The following GSPT1 variants were observed in gnomAD, a reference collection of about 807,000 sequenced individuals.
GSPT1 encodes the protein eukaryotic peptide chain release factor GTP-binding subunit ERF3A.
GSPT1 carries 20 observed loss-of-function variants against 72.5 expected under a neutral mutation model. The observed-to-expected ratio is 0.28, with a 90% confidence interval of 0.19 to 0.40. GSPT1 has a LOEUF of 0.40. Ranked by LOEUF, GSPT1 falls within the 10% of genes least tolerant of loss-of-function variation. GSPT1 has a pLI of 1.00. For missense variants in GSPT1, 580 were observed against 811.9 expected (o/e 0.71, Z 3.47); for synonymous variants, 334 against 293.5 (o/e 1.14, Z -1.41).
In GSPT1 at chr16:11,873,015, G is replaced by A; in HGVS notation, c.*104C>T. The A allele has an allele frequency of 6.0e-6, 4 of 671,252 alleles. No individual in the cohort carries two copies. Among genetic ancestry groups the A allele is most frequent in the Non-Finnish European group, 1.1e-5 (4 of 370,160 alleles). 41.6% of individuals were successfully genotyped at this position (671,252 alleles called of 1,614,324 possible). A position where few individuals can be genotyped will look rare whatever the true frequency, so the allele number is the denominator to read the frequency against. Reference sequence around the variant, plus strand: ...TGTGAATTTCCTCTTTGCAAAATATGGGGAGAGGTTTATCAATGGGCAGAA... The same window carrying A: ...TGTGAATTTCCTCTTTGCAAAATATAGGGAGAGGTTTATCAATGGGCAGAA... On this transcript the variant is annotated 3_prime_UTR_variant, in exon 15 of 15. Transcript: ENST00000434724.
chr16:11,907,074 T>A (rs1209381317), intron 1 of GSPT1, among the ~76,000 whole-genome samples: 2 of 152,222 alleles, frequency 1.3e-5, no homozygotes, highest in Non-Finnish European at 2.9e-5. Flanking sequence ...AGAGCTGTTT[T>A]AAAGTATTTT....
intron 9 of GSPT1, among the ~76,000 whole-genome samples, chr16:11,886,084 A>C (rs2054183683): frequency 6.6e-6 from 1 of 152,236 alleles, no homozygotes; most frequent in African/African-American, 2.4e-5. Flanking sequence ...ACAAAAGTTA[A>C]CTCAAAATCA....
At chr16:11,879,675 G>C (rs1195787292) in intron 11 of GSPT1, among the ~76,000 whole-genome samples, 1 of 148,212 alleles carries the variant, frequency 6.7e-6, no homozygotes, top group African/African-American at 2.5e-5. Context: ...GGAGGTGGAG[G>C]TCGCAGTGAG....
intron 10 of GSPT1, among the ~76,000 whole-genome samples, chr16:11,883,719 C>A (rs913662509): frequency 1.6e-4 from 25 of 151,836 alleles, no homozygotes; most frequent in African/African-American, 5.8e-4. Context: ...TCGAGCCCAT[C>A]CTGGCCAACA....
At chr16:11,878,440 T>C (rs761282854) in intron 11 of GSPT1, among the ~76,000 whole-genome samples, 2 of 151,932 alleles carry the variant, frequency 1.3e-5, no homozygotes, top group African/African-American at 4.8e-5. Context: ...TCTAACAAAA[T>C]AGTCCACGGA....
intron 6 of GSPT1, among the ~76,000 whole-genome samples, chr16:11,888,916 G>A (rs978117545): frequency 1.3e-5 from 2 of 152,194 alleles, no homozygotes; most frequent in Non-Finnish European, 2.9e-5. Context: ...ATCACTGTGT[G>A]TTAAGTGATA....
At chr16:11,902,148 C>T (rs1334722126) in intron 1 of GSPT1, among the ~76,000 whole-genome samples, 3 of 150,498 alleles carry the variant, frequency 2.0e-5, no homozygotes, top group Non-Finnish European at 4.4e-5. Context: ...TTTGGGAGGC[C>T]GAGGCGGGTG....
intron 1 of GSPT1, among the ~76,000 whole-genome samples, chr16:11,905,508 T>C (rs1319360568): frequency 3.3e-5 from 5 of 152,070 alleles, no homozygotes; most frequent in Admixed American, 3.3e-4. Context: ...ATCACTCCCC[T>C]AGGACATGAC....
At chr16:11,879,688 G>A (rs1256848406) in intron 11 of GSPT1, among the ~76,000 whole-genome samples, 21 of 142,246 alleles carry the variant, frequency 1.5e-4, no homozygotes, top group Admixed American at 1.4e-3. Flanking sequence ...GCAGTGAGCC[G>A]AGATCACACC....
At chr16:11,874,454 CTTTTTTTTTT>C (rs200991035) in intron 14 of GSPT1, among the ~76,000 whole-genome samples, 18 of 95,934 alleles carry the variant, frequency 1.9e-4, no homozygotes, top group South Asian at 1.6e-3. Context: ...GCCAAGTTAG[CTTTTTTTTTT>C]TTTTTTTTTT....
chr16:11,899,734 C>T (rs1174528128), intron 1 of GSPT1, among the ~76,000 whole-genome samples: 1 of 152,058 alleles, frequency 6.6e-6, no homozygotes, highest in Non-Finnish European at 1.5e-5. Context: ...CAGAGGAAGC[C>T]AGGTAGTACT....
At chr16:11,889,152 C>CA (rs899569438) in intron 6 of GSPT1, among the ~76,000 whole-genome samples, 3 of 150,894 alleles carry the variant, frequency 2.0e-5, no homozygotes, top group African/African-American at 7.3e-5. Flanking sequence ...ACTAAAAATA[C>CA]AAAAAATTAG....
intron 5 of GSPT1, among the ~76,000 whole-genome samples, chr16:11,892,991 G>A (rs1236760525): frequency 6.6e-6 from 1 of 152,086 alleles, no homozygotes; most frequent in Non-Finnish European, 1.5e-5. Flanking sequence ...GTCAACATCA[G>A]GGCAGGATGA....
intron 4 of GSPT1, chr16:11,895,237 C>T (rs915263378): frequency 1.0e-5 from 3 of 291,688 alleles, no homozygotes; most frequent in East Asian, 6.5e-5. Context: ...TCGAGACCAG[C>T]CTGGCCAACA....
intron 1 of GSPT1, among the ~76,000 whole-genome samples, chr16:11,913,510 A>G (rs74585681): frequency 7.2e-5 from 11 of 152,334 alleles, no homozygotes; most frequent in African/African-American, 2.6e-4. Flanking sequence ...AGGAAGAGAG[A>G]AAGCCCGCAT....
chr16:11,888,322 C>T (rs1209327872), intron 6 of GSPT1, among the ~76,000 whole-genome samples: 1 of 150,410 alleles, frequency 6.6e-6, no homozygotes, highest in Non-Finnish European at 1.5e-5. Context: ...AAAAGTTGGG[C>T]ATAGTGGTGC....
intron 4 of GSPT1, chr16:11,895,620 T>C: frequency 6.6e-6 from 1 of 152,218 alleles, no homozygotes; most frequent in Non-Finnish European, 1.5e-5. Flanking sequence ...AGGTATGTGC[T>C]CCTTTACACC....
intron 9 of GSPT1, 61 bp from the exon 10 acceptor site, chr16:11,885,335 A>G (rs2054174785): frequency 1.3e-6 from 1 of 794,878 alleles, no homozygotes; most frequent in Non-Finnish European, 2.2e-6. Flanking sequence ...ATGTTAAGTT[A>G]CATGACTATA....
At position 11,885,247 on chromosome 16, in the gene GSPT1, A is replaced by C; in HGVS notation, c.1281T>G (p.Asp427Glu). The change falls in exon 10 of 15, where the codon GAT becomes GAG. Residue 427 changes from aspartate (D) to glutamate (E), a missense_variant. Physicochemically the swap from Asp to Glu is conservative, Grantham distance 45. Transcript: ENST00000434724. ...CTGATCTATTGAAGTTCGGCAAATT[A>C]TCCAGATATGGAATAAACGGTAATC... ...YIGLPFIPYLDNLPNFNRSVD... is the reference protein window; with the variant it reads ...YIGLPFIPYLENLPNFNRSVD... 6.3e-7 allele frequency: 1 copy of C among 1,583,574 alleles called. No homozygotes were observed. The highest frequency in any genetic ancestry group is 2.2e-5 in the East Asian group (1 of 44,714).
Sources: allele counts gnomAD v4.1 joint callset (sites outside exome capture counted in the v4.1 genomes callset), GRCh38; gene constraint gnomAD v4.1.1; transcripts MANE v1.5; gene names NCBI Gene and HGNC (gene_info 2026-07-23, HGNC 2026-07-21).